Variants in MYO5C observed in about 807,000 individuals in gnomAD.
MYO5C encodes unconventional myosin-Vc.
MYO5C carries 194 observed loss-of-function variants against 235.7 expected under a neutral mutation model. The observed-to-expected ratio is 0.82, with a 90% CI of 0.73 to 0.93. The LOEUF is 0.93. Among genes scored for constraint, MYO5C ranks in the 40% least tolerant of loss-of-function variants. The pLI is 0.00. For missense variants in MYO5C, 2,038 were observed against 2,127.2 expected, an observed-to-expected ratio of 0.96 and a Z score of 0.82; for synonymous variants, 707 against 754.8, an observed-to-expected ratio of 0.94 and a Z score of 1.04.
At position 52,261,052 on chromosome 15, in the gene MYO5C, T is replaced by C; in HGVS notation, c.1123A>G (p.Asn375Asp). ...ESGRVAQWLC[N>D]RKIVTSSETV... ...TCAGAGCTTGTGACGATTTTGCGAT[T>C]GCACAGCCACTGAGCAACTCTGCCA... The change falls in exon 10 of 41, where the codon AAT (asparagine) becomes GAT (aspartate). Residue 375 changes from asparagine (N) to aspartate (D), a missense_variant. Physicochemically the swap from Asn to Asp is conservative, Grantham distance 23. Coordinates refer to ENST00000261839, the MANE Select transcript of MYO5C (RefSeq NM_018728.4). 1.2e-6 allele frequency: 2 copies of C among 1,614,252 alleles called. No homozygotes were observed. The highest frequency in any genetic ancestry group is 2.2e-5 in the South Asian group (2 of 91,086).
rs752080146 is a variant in MYO5C, at chr15:52,204,935, C to T, written c.4750G>A (p.Gly1584Arg). Reference sequence around the variant, plus strand: ...AAGAGGCTGTTCAGCGTGACCGCCCCGATCAAGAAGAAGAGCTGCTTCACC... The same window carrying T: ...AAGAGGCTGTTCAGCGTGACCGCCCTGATCAAGAAGAAGAGCTGCTTCACC... ...QAVKQLFFLI[G>R]AVTLNSLFLR... The change falls in exon 38 of 41, where the codon GGG (glycine) becomes AGG (arginine). Residue 1584 changes from glycine (G) to arginine (R), a missense_variant. By Grantham distance (125) the Gly-to-Arg change is moderately radical. Transcript: ENST00000261839. 1.2e-6 allele frequency: 2 copies of T among 1,614,214 alleles called. No homozygotes were observed. Among genetic ancestry groups the T allele is most frequent in the Non-Finnish European group, 1.7e-6 (2 of 1,180,046 alleles).
At chr15:52,217,814 C>T (rs867232642) in intron 32 of MYO5C, among the ~76,000 whole-genome samples, 10 of 152,296 alleles carry the variant, frequency 6.6e-5, no homozygotes, top group Non-Finnish European at 1.0e-4. Context: ...TCCACACTGA[C>T]CCACTGGACT....
intron 1 of MYO5C, among the ~76,000 whole-genome samples, chr15:52,285,022 A>G (rs529414021): frequency 3.7e-4 from 57 of 152,076 alleles, no homozygotes; most frequent in Non-Finnish European, 7.1e-4. Context: ...TTCTTTCAAC[A>G]TTGCATTATG....
chr15:52,211,622 G>T, intron 35 of MYO5C, 108 bp downstream of exon 35: 1 of 1,235,524 alleles, frequency 8.1e-7, no homozygotes, highest in Non-Finnish European at 1.1e-6. Context: ...CTTGTTTGAG[G>T]AATCATGTGG....
At chr15:52,263,585 T>C (rs1249242030) in intron 9 of MYO5C, among the ~76,000 whole-genome samples, 1 of 152,176 alleles carries the variant, frequency 6.6e-6, no homozygotes, top group Non-Finnish European at 1.5e-5. Context: ...ACTCACCCTC[T>C]GGATACATGG....
chr15:52,245,301 G>A, intron 18 of MYO5C, 53 bp downstream of exon 18: 3 of 1,153,076 alleles, frequency 2.6e-6, no homozygotes, highest in Non-Finnish European at 4.0e-6. Context: ...AGCATGTTTG[G>A]GAGATGTGCT....
chr15:52,270,215 G>C (rs913175837), intron 7 of MYO5C, among the ~76,000 whole-genome samples: 2 of 152,138 alleles, frequency 1.3e-5, no homozygotes, highest in Non-Finnish European at 2.9e-5. Flanking sequence ...CCAGGAGTTC[G>C]AGGCTGCAGT....
intron 21 of MYO5C, 30 bp downstream of exon 21, chr15:52,239,703 A>T (rs200013655): frequency 2.9e-5 from 45 of 1,561,698 alleles, no homozygotes; most frequent in Non-Finnish European, 3.1e-5. Flanking sequence ...AAGAAAAAGT[A>T]AATGTAAAAG....
intron 32 of MYO5C, among the ~76,000 whole-genome samples, chr15:52,217,186 G>A (rs781566911): frequency 5.3e-5 from 8 of 152,298 alleles, no homozygotes; most frequent in East Asian, 3.8e-4. Context: ...TTGTGTGTCC[G>A]TCTGCTTCTA....
In MYO5C at chr15:52,213,236, G is replaced by T. The variant is rs745829002; in HGVS notation, c.4093C>A (p.Gln1365Lys). 7 of 1,614,090 alleles carry T rather than the reference G, an allele frequency of 4.3e-6. No individual in the cohort carries two copies. The highest frequency in any genetic ancestry group is 5.1e-6 in the Non-Finnish European group (6 of 1,179,974). The stretch of plus-strand genomic sequence containing the variant: ...TTGGCCTCGTCTTCTCTCTTGTATT[G>T]CAGCATTCCAAGGTACTCCTTGGGT... ...SGPKEYLGML[Q>K]YKREDEAKLI... is the part of the protein sequence containing the mutation. The change falls in exon 34 of 41, where the codon CAA becomes AAA. Residue 1365 changes from glutamine (Q) to lysine (K), a missense_variant. Gln to Lys is a moderately conservative substitution (Grantham distance 53). Coordinates refer to ENST00000261839, the MANE Select transcript of MYO5C (RefSeq NM_018728.4).
At chr15:52,223,405 C>T in intron 29 of MYO5C, 139 bp downstream of exon 29, 2 of 775,378 alleles carry the variant, frequency 2.6e-6, no homozygotes, top group Non-Finnish European at 4.1e-6. Context: ...ATAGTTTAAT[C>T]ACCAGACCAA....
chr15:52,274,674 C>T (rs890940067), intron 5 of MYO5C, among the ~76,000 whole-genome samples: 32 of 147,668 alleles, frequency 2.2e-4, no homozygotes, highest in Non-Finnish European at 4.3e-4. Flanking sequence ...CTTAGTACCC[C>T]CCCCCCGACA....
At chr15:52,262,979 C>T (rs548005884) in intron 9 of MYO5C, among the ~76,000 whole-genome samples, 69 of 152,178 alleles carry the variant, frequency 4.5e-4, no homozygotes, top group Non-Finnish European at 8.4e-4. Flanking sequence ...TTAGTGTTCT[C>T]GTAAGAGGCA....
chr15:52,199,825 C>A (rs2035144850), intron 38 of MYO5C, among the ~76,000 whole-genome samples: 1 of 152,136 alleles, frequency 6.6e-6, no homozygotes, highest in South Asian at 2.1e-4. Context: ...TCTCTTTGCC[C>A]TCACCATTTG....
chr15:52,280,827 C>T (rs1392769289), intron 2 of MYO5C, among the ~76,000 whole-genome samples: 3 of 152,204 alleles, frequency 2.0e-5, no homozygotes, highest in Non-Finnish European at 2.9e-5. Flanking sequence ...CAAGGTCACA[C>T]AGTTAATCTG....
rs767417911 is a variant in MYO5C at position 52,193,529 on chromosome 15, A to G, written c.*373T>C. 8 of 173,392 alleles carry G rather than the reference A, an allele frequency of 4.6e-5. No individual in the cohort carries two copies. Among genetic ancestry groups the G allele is most frequent in the Non-Finnish European group, 9.6e-5 (8 of 83,038 alleles). 10.7% of individuals were successfully genotyped at this position (173,392 alleles called of 1,614,324 possible). A position where few individuals can be genotyped will look rare whatever the true frequency, so the allele number is the denominator to read the frequency against. On this transcript the variant is annotated 3_prime_UTR_variant, in exon 41 of 41. Transcript: ENST00000261839. Reference sequence around the variant, plus strand: ...CTTTGTAAATGTACTCAGGTTTCACATGAACCTTAGAAAACTTGGAAGCCA... The same window carrying G: ...CTTTGTAAATGTACTCAGGTTTCACGTGAACCTTAGAAAACTTGGAAGCCA...
intron 2 of MYO5C, among the ~76,000 whole-genome samples, chr15:52,282,022 G>C (rs1202842872): frequency 6.6e-6 from 1 of 152,166 alleles, no homozygotes; most frequent in Non-Finnish European, 1.5e-5. Flanking sequence ...GGTGGGCAAG[G>C]ACAACTCATG....
chr15:52,284,209 TA>T (rs5812591), intron 1 of MYO5C, among the ~76,000 whole-genome samples: 66,251 of 145,904 alleles, frequency 0.45, 18,789 homozygotes, highest in East Asian at 0.95. Flanking sequence ...TAATGAGAAT[TA>T]AAAAAAAAAA....
chr15:52,264,360 C>G, intron 8 of MYO5C, 64 bp from the exon 9 acceptor site: 1 of 1,285,198 alleles, frequency 7.8e-7, no homozygotes, highest in African/African-American at 1.5e-5. Flanking sequence ...AAGATGGGCA[C>G]CTGGATTCAT....
Sources: allele counts gnomAD v4.1 joint callset (sites outside exome capture counted in the v4.1 genomes callset), GRCh38; gene constraint gnomAD v4.1.1; transcripts MANE v1.5; gene names NCBI Gene and HGNC (gene_info 2026-07-23, HGNC 2026-07-21).